The following HERC4 variants were observed in gnomAD, a reference collection of about 807,000 sequenced individuals.
The protein encoded by HERC4 is probable E3 ubiquitin-protein ligase HERC4.
HERC4 carries 28 observed loss-of-function variants against 124.3 expected under a neutral mutation model. The ratio of observed to expected loss-of-function variants is 0.23; its 90% CI spans 0.17 to 0.31. The LOEUF (loss-of-function observed/expected upper bound fraction) is 0.31, where lower values mean the gene tolerates loss of function less well. Among genes scored for constraint, HERC4 ranks in the 10% least tolerant of loss-of-function variants. The pLI is 1.00. For missense variants in HERC4, 713 were observed against 1,229.3 expected (o/e 0.58, Z 6.28); for synonymous variants, 407 against 421.5 (o/e 0.97, Z 0.42).
chr10:67,934,865 G>A (rs139319705), intron 22 of HERC4, among the ~76,000 whole-genome samples: 6 of 146,194 alleles, frequency 4.1e-5, no homozygotes, highest in African/African-American at 1.0e-4. Context: ...TCCACTTCTC[G>A]TGCTTTCAAT....
At chr10:68,000,447 C>T (rs1314398857) in intron 9 of HERC4, among the ~76,000 whole-genome samples, 1 of 151,950 alleles carries the variant, frequency 6.6e-6, no homozygotes, top group Non-Finnish European at 1.5e-5. Flanking sequence ...GGTGTGGTGG[C>T]ATGCACCTGT....
At chr10:68,019,285 T>G (rs1185488780) in intron 8 of HERC4, among the ~76,000 whole-genome samples, 1 of 151,988 alleles carries the variant, frequency 6.6e-6, no homozygotes, top group African/African-American at 2.4e-5. Context: ...CGTGAGCCAC[T>G]GCGCCCGGTC....
At chr10:68,019,292 G>A (rs114268377) in intron 8 of HERC4, among the ~76,000 whole-genome samples, 4,544 of 151,932 alleles carry the variant, frequency 0.03, 235 homozygotes, top group African/African-American at 0.1. Context: ...CACTGCGCCC[G>A]GTCCAGCCAA....
At position 68,064,253 on chromosome 10, in the gene HERC4, T is replaced by G. The variant is rs114364944; in HGVS notation, c.226+8630A>C. Among the ~76,000 whole-genome samples, 920 of 149,652 alleles carry G rather than the reference T, an allele frequency of 6.1e-3. 12 individuals carry two copies. Among genetic ancestry groups the G allele is most frequent in the African/African-American group, 0.021 (856 of 40,668 alleles). On this transcript the variant is annotated intron_variant, in intron 3 of 24. Transcript: ENST00000373700. ...AACCCTGTCCCCAAAACATAAAAAA[T>G]AATTAAAAGAAAGAAATAGGCCGGG...
At chr10:68,021,884 C>T (rs533607085) in intron 8 of HERC4, among the ~76,000 whole-genome samples, 1 of 152,162 alleles carries the variant, frequency 6.6e-6, no homozygotes, top group Admixed American at 6.5e-5. Context: ...ATGATATGAT[C>T]ATATATGTAG....
chr10:67,932,795 G>A lies in HERC4; in HGVS notation c.2655-15C>T. 1 of 1,583,386 alleles carries A rather than the reference G, an allele frequency of 6.3e-7. No individual in the cohort carries two copies. The highest frequency in any genetic ancestry group is 1.2e-5 in the South Asian group (1 of 85,578). On this transcript the variant is annotated splice_polypyrimidine_tract_variant and intron_variant, in intron 22 of 24. Coordinates refer to ENST00000373700, the MANE Select transcript of HERC4 (RefSeq NM_015601.4). ...CAAACTCTTGCCTAGAAATGAAAAAGCACACATGTACAGATTATAAAAATC... is the reference window on the plus strand; with the variant it reads ...CAAACTCTTGCCTAGAAATGAAAAAACACACATGTACAGATTATAAAAATC...
chr10:67,949,019 C>T (rs1292357258), intron 19 of HERC4, among the ~76,000 whole-genome samples: 5 of 151,664 alleles, frequency 3.3e-5, no homozygotes, highest in African/African-American at 1.2e-4. Context: ...TTTGGGAGGC[C>T]GAGGAGGATG....
At chr10:68,025,829 G>T (rs951022784) in intron 7 of HERC4, among the ~76,000 whole-genome samples, 153 bp from the exon 8 acceptor site, 1 of 152,044 alleles carries the variant, frequency 6.6e-6, no homozygotes, top group Admixed American at 6.5e-5. Flanking sequence ...CTCTTTCAAA[G>T]TAAAATGTCA....
intron 9 of HERC4, among the ~76,000 whole-genome samples, chr10:67,999,845 G>A (rs1171973829): frequency 1.3e-5 from 2 of 152,038 alleles, no homozygotes; most frequent in African/African-American, 4.8e-5. Context: ...TCTCACTGAT[G>A]CCCAGAATTC....
chr10:68,039,688 C>A (rs2039664018), intron 4 of HERC4: 1 of 1,364,996 alleles, frequency 7.3e-7, no homozygotes, highest in South Asian at 1.8e-5. Context: ...AATGCCATTT[C>A]TTTGAAATAG....
At chr10:67,932,864 TCC>T in intron 22 of HERC4, 84 bp from the exon 23 acceptor site, 3 of 1,188,272 alleles carry the variant, frequency 2.5e-6, no homozygotes, top group Non-Finnish European at 3.5e-6. Context: ...CTTCAAGTGC[TCC>T]TACAATTTCT....
intron 3 of HERC4, among the ~76,000 whole-genome samples, chr10:68,057,009 G>A (rs900078953): frequency 6.6e-6 from 1 of 152,112 alleles, no homozygotes; most frequent in African/African-American, 2.4e-5. Flanking sequence ...ATTTTGTTTT[G>A]ACAGATAAAG....
chr10:68,015,560 T>G (rs150480776), intron 8 of HERC4, among the ~76,000 whole-genome samples: 1 of 152,058 alleles, frequency 6.6e-6, no homozygotes, highest in Non-Finnish European at 1.5e-5. Context: ...CCAGGTGGAG[T>G]TCTCTTTACA....
chr10:68,020,752 G>A (rs2038572114), intron 8 of HERC4, among the ~76,000 whole-genome samples: 1 of 146,154 alleles, frequency 6.8e-6, no homozygotes, highest in African/African-American at 2.5e-5. Context: ...CTGGGCGACA[G>A]AGCGAGACTC....
chr10:68,031,841 C>T (rs2039221902), intron 7 of HERC4, among the ~76,000 whole-genome samples: 1 of 152,084 alleles, frequency 6.6e-6, no homozygotes, highest in Non-Finnish European at 1.5e-5. Context: ...GCAAACTCCG[C>T]CTCCTGGGTT....
intron 6 of HERC4, 103 bp downstream of exon 6, chr10:68,033,862 C>T (rs2039332176): frequency 3.3e-6 from 3 of 913,072 alleles, no homozygotes; most frequent in East Asian, 2.6e-5. Context: ...CACCTCTATA[C>T]CAGGGAAGAT....
chr10:68,043,688 C>T (rs943832732), intron 4 of HERC4, among the ~76,000 whole-genome samples: 10 of 151,960 alleles, frequency 6.6e-5, no homozygotes, highest in East Asian at 1.9e-4. Context: ...TGGTGGTGGG[C>T]GCCTGTAATC....
chr10:68,006,172 C>T (rs902071556), intron 9 of HERC4, among the ~76,000 whole-genome samples: 2 of 151,810 alleles, frequency 1.3e-5, no homozygotes, highest in East Asian at 1.9e-4. Context: ...ATCTTTGATC[C>T]GTTTTAGTCT....
At chr10:68,043,878 A>AG (rs990152371) in intron 4 of HERC4, among the ~76,000 whole-genome samples, 3 of 152,158 alleles carry the variant, frequency 2.0e-5, no homozygotes, top group Admixed American at 1.3e-4. Context: ...AACATTGATG[A>AG]GGCACTGCTT....
Sources: gnomAD v4.1 joint callset for allele counts (sites outside exome capture counted in the v4.1 genomes callset) on GRCh38, gnomAD v4.1.1 for gene constraint, MANE v1.5 for transcripts, NCBI Gene and HGNC (gene_info 2026-07-23, HGNC 2026-07-21) for gene names.